The following CDC42SE2 variants were observed in gnomAD, a reference collection of about 807,000 sequenced individuals.
CDC42SE2 encodes CDC42 small effector 2, also known as CDC42 small effector protein 2.
CDC42SE2 carries 3 observed loss-of-function variants against 11.5 expected under a neutral mutation model. The ratio of observed to expected loss-of-function variants is 0.26; its 90% CI spans 0.12 to 0.67. The LOEUF (loss-of-function observed/expected upper bound fraction) is 0.67, where lower values mean the gene tolerates loss of function less well. CDC42SE2 is among the 30% of genes least tolerant of loss of function. The pLI, the probability that CDC42SE2 is intolerant of heterozygous loss-of-function variation, is 0.80. For missense variants in CDC42SE2, 82 were observed against 106.8 expected (o/e 0.77, Z 1.02); for synonymous variants, 33 against 34.8 (o/e 0.95, Z 0.18).
At chr5:131,347,238 T>C (rs1437248997) in intron 2 of CDC42SE2, among the ~76,000 whole-genome samples, 1 of 151,836 alleles carries the variant, frequency 6.6e-6, no homozygotes, top group African/African-American at 2.4e-5. Flanking sequence ...TCAACAAAAT[T>C]GATAGACCGC....
At chr5:131,263,324 C>G (rs1409956341), upstream of CDC42SE2, among the ~76,000 whole-genome samples, 3 of 152,118 alleles carry the variant, frequency 2.0e-5, no homozygotes, top group Admixed American at 6.5e-5. Flanking sequence ...GAGCTTACTT[C>G]AGTGGCATTA....
rs1757944508 is a variant in CDC42SE2 at position 131,312,550 on chromosome 5, C to T, written c.-454-3426C>T. ...GCCCCTCCCCCAGCCTGGCTGCTGC[C>T]TTGCAGTTTGATCTCAGTCTGCTGT... On this transcript the variant is annotated intron_variant, in intron 1 of 4. Coordinates refer to ENST00000505065, the MANE Select transcript of CDC42SE2 (RefSeq NM_001375635.1). Among the ~76,000 whole-genome samples the T allele has an allele frequency of 2.0e-5, 3 of 152,288 alleles. No individual in the cohort carries two copies. The South Asian group carries it at 6.2e-4, about 32-fold the overall frequency.
intron 1 of CDC42SE2, among the ~76,000 whole-genome samples, chr5:131,272,887 TA>T (rs1170853343): frequency 6.6e-6 from 1 of 152,178 alleles, no homozygotes; most frequent in Non-Finnish European, 1.5e-5. Context: ...TTCTCAAGCC[TA>T]ATCTCAGTGG....
At chr5:131,269,807 T>C (rs1362969771) in intron 1 of CDC42SE2, among the ~76,000 whole-genome samples, 5 of 152,148 alleles carry the variant, frequency 3.3e-5, no homozygotes, top group African/African-American at 2.4e-5. Context: ...ACGCCTGTAA[T>C]CCTAGCACTT....
intron 1 of CDC42SE2, among the ~76,000 whole-genome samples, chr5:131,304,177 T>G (rs955096747): frequency 3.3e-5 from 5 of 152,024 alleles, no homozygotes; most frequent in Admixed American, 6.6e-5. Flanking sequence ...AGAAATGGGG[T>G]CTCTCTACAT....
chr5:131,245,757 G>A (rs1488576683), intron 1 of CDC42SE2, among the ~76,000 whole-genome samples: 1 of 151,908 alleles, frequency 6.6e-6, no homozygotes, highest in Non-Finnish European at 1.5e-5. Context: ...TTTTCTTCCT[G>A]TTTCTACTTT....
At chr5:131,353,025 G>A (rs889918227) in intron 2 of CDC42SE2, among the ~76,000 whole-genome samples, 2 of 152,080 alleles carry the variant, frequency 1.3e-5, no homozygotes, top group Middle Eastern at 3.4e-3. Flanking sequence ...TTACTGCAGT[G>A]GCGCGTCTTG....
At chr5:131,305,611 T>C (rs532995334) in intron 1 of CDC42SE2, among the ~76,000 whole-genome samples, 2 of 152,324 alleles carry the variant, frequency 1.3e-5, no homozygotes, top group South Asian at 4.1e-4. Context: ...TAAGTTGTTT[T>C]CTTGCTATTC....
rs140478921 is a variant in CDC42SE2 at position 131,299,683 on chromosome 5, TTGGGCTGGAGACAGCTG to T, written c.-454-16283_-454-16267del. Among the ~76,000 whole-genome samples, 493 of 152,162 alleles carry T rather than the reference TTGGGCTGGAGACAGCTG, an allele frequency of 3.2e-3. 4 individuals are homozygous for T. Among genetic ancestry groups the T allele is most frequent in the African/African-American group, 0.011 (473 of 41,510 alleles). ...TAAAAGACAACTAGGCTGGAGAGCT[TTGGGCTGGAGACAGCTG>T]TGGGCTGGAAATGTAGATTTGGCGA... On this transcript the variant is annotated intron_variant, in intron 1 of 4. Transcript: ENST00000505065.
At chr5:131,277,056 A>G (rs924997776) in intron 1 of CDC42SE2, among the ~76,000 whole-genome samples, 1 of 152,140 alleles carries the variant, frequency 6.6e-6, no homozygotes, top group African/African-American at 2.4e-5. Flanking sequence ...ATAATTTTTA[A>G]AAAGCCTGTT....
At chr5:131,279,623 T>G (rs1554095103) in intron 1 of CDC42SE2, among the ~76,000 whole-genome samples, 1 of 152,078 alleles carries the variant, frequency 6.6e-6, no homozygotes, top group Non-Finnish European at 1.5e-5. Flanking sequence ...TGTTGTCTTG[T>G]TTTCTCAAGT....
chr5:131,233,500 T>C, the CDC42SE2 span, among the ~76,000 whole-genome samples: 3 of 152,190 alleles, frequency 2.0e-5, no homozygotes, highest in African/African-American at 4.8e-5. Flanking sequence ...CCCAAGCAGC[T>C]GGGATTATAG....
chr5:131,224,676 C>A, the CDC42SE2 span, among the ~76,000 whole-genome samples: 2 of 152,146 alleles, frequency 1.3e-5, no homozygotes, highest in African/African-American at 4.8e-5. Flanking sequence ...AAGACAGCTG[C>A]TATCATTCAT....
chr5:131,310,423 G>A (rs904984379), intron 1 of CDC42SE2, among the ~76,000 whole-genome samples: 1 of 151,926 alleles, frequency 6.6e-6, no homozygotes, highest in African/African-American at 2.4e-5. Flanking sequence ...TGTATATTCT[G>A]TTGATTTGGG....
At position 131,392,047 on chromosome 5, in the gene CDC42SE2, G is replaced by C. The variant is rs1750672376; in HGVS notation, c.*956G>C. On this transcript the variant is annotated 3_prime_UTR_variant, in exon 5 of 5. Transcript: ENST00000505065. ...TGGCATGCATGCCTTTGGACTCATG[G>C]ACAGAGTTCTTTGGATTGTCACTGA... 6.6e-6 allele frequency: 1 copy of C among 152,440 alleles called. No homozygotes were observed. 9.4% of individuals were successfully genotyped at this position (152,440 alleles called of 1,614,324 possible). A position where few individuals can be genotyped will look rare whatever the true frequency, so the allele number is the denominator to read the frequency against.
intron 3 of CDC42SE2, among the ~76,000 whole-genome samples, chr5:131,383,961 C>A (rs1298914287): frequency 6.6e-6 from 1 of 152,192 alleles, no homozygotes; most frequent in Non-Finnish European, 1.5e-5. Context: ...TAGACACACA[C>A]ATGTTCAAAT....
intron 1 of CDC42SE2, among the ~76,000 whole-genome samples, chr5:131,312,859 G>A (rs577379641): frequency 6.5e-4 from 99 of 152,322 alleles, no homozygotes; most frequent in African/African-American, 2.2e-3. Flanking sequence ...CTAGTGAGAT[G>A]AACCCAGTAC....
At chr5:131,276,722 A>C (rs1167050376) in intron 1 of CDC42SE2, among the ~76,000 whole-genome samples, 1 of 128,900 alleles carries the variant, frequency 7.8e-6, no homozygotes, top group East Asian at 2.1e-4. Context: ...AAACATGACC[A>C]TTAGAATTTT....
intron 2 of CDC42SE2, among the ~76,000 whole-genome samples, chr5:131,327,764 G>T (rs1408957982): frequency 6.6e-6 from 1 of 152,150 alleles, no homozygotes; most frequent in Non-Finnish European, 1.5e-5. Flanking sequence ...TTTGCTTCAA[G>T]ATATTAATGA....
Sources: allele counts gnomAD v4.1 joint callset (sites outside exome capture counted in the v4.1 genomes callset), GRCh38; gene constraint gnomAD v4.1.1; transcripts MANE v1.5; gene names NCBI Gene and HGNC (gene_info 2026-07-23, HGNC 2026-07-21).